Variants in ZNF446 observed in about 807,000 individuals in gnomAD.
ZNF446 encodes the protein zinc finger protein 446, also known as zinc finger protein with KRAB and SCAN domains 20.
A neutral mutation model predicts 34.0 loss-of-function variants in ZNF446; 42 were observed. The ratio of observed to expected loss-of-function variants is 1.23; its 90% CI spans 0.96 to 1.60. The LOEUF is 1.60. ZNF446 is among the 40% of genes most tolerant of loss of function. ZNF446 has a pLI of 0.00. For missense variants in ZNF446, 650 were observed against 600.2 expected, an observed-to-expected ratio of 1.08 and a Z score of -0.87; for synonymous variants, 315 against 251.0, an observed-to-expected ratio of 1.25 and a Z score of -2.41.
rs200530035 is a variant in ZNF446 at position 58,480,753 on chromosome 19, G to A, written c.*27G>A. 652 of 1,583,748 alleles carry A rather than the reference G, an allele frequency of 4.1e-4. 2 individuals carry two copies. Among genetic ancestry groups the A allele is most frequent in the Non-Finnish European group, 3.0e-4 (352 of 1,167,918 alleles). ...CAGCCAGACAGCACAGTCCCTCGGGGCCTCGGTGTTCTCGGGGCCTGGATA... is the reference window on the plus strand; with the variant it reads ...CAGCCAGACAGCACAGTCCCTCGGGACCTCGGTGTTCTCGGGGCCTGGATA... On this transcript the variant is annotated 3_prime_UTR_variant, in exon 7 of 7. Coordinates refer to ENST00000594369, the MANE Select transcript of ZNF446 (RefSeq NM_017908.4). The surrounding 1 kb of genome is among the most constrained non-coding windows in gnomAD (Gnocchi z 7.2).
the ZNF446 span, among the ~76,000 whole-genome samples, chr19:58,487,189 A>C: frequency 6.6e-6 from 1 of 152,182 alleles, no homozygotes; most frequent in African/African-American, 2.4e-5. Flanking sequence ...GGACCTGTGA[A>C]TTTGATGAGT....
chr19:58,479,376 C>T (rs2053116861), intron 4 of ZNF446: 1 of 459,928 alleles, frequency 2.2e-6, no homozygotes, highest in South Asian at 2.7e-5. Flanking sequence ...TCGATAAAGT[C>T]ACTCAGGTCC....
rs1196729131 is a variant in ZNF446 at position 58,477,684 on chromosome 19, G to A, written c.390G>A (p.Lys130=). 6.2e-7 allele frequency: 1 copy of A among 1,613,918 alleles called. No individual in the cohort carries two copies. The highest frequency in any genetic ancestry group is 1.7e-5 in the Admixed American group (1 of 60,034). The change falls in exon 3 of 7, where the codon AAG becomes AAA. Residue 130 remains lysine, a synonymous_variant. Transcript: ENST00000594369. The part of the protein sequence containing the change: ...LKQEVLPAAQ[K]TEEPLGSPHP... Reference sequence around the variant, plus strand: ...AGGAGGTGCTCCCTGCAGCCCAGAAGACAGAGGAACCACTTGGGAGCCCCC... The same window carrying A: ...AGGAGGTGCTCCCTGCAGCCCAGAAAACAGAGGAACCACTTGGGAGCCCCC...
rs748828122 is a variant in ZNF446, at chr19:58,480,058, T to C, written c.802+39T>C. 20 of 1,563,310 alleles carry C rather than the reference T, an allele frequency of 1.3e-5. No homozygotes were observed. The South Asian group carries it at 2.2e-4, about 17-fold the overall frequency. Reference sequence around the variant, plus strand: ...ACCATCCAGCCTGAATCACCCCTCCTGTATCGGTGGGACCTGAGCCACCCA... The same window carrying C: ...ACCATCCAGCCTGAATCACCCCTCCCGTATCGGTGGGACCTGAGCCACCCA... On this transcript the variant is annotated intron_variant, in intron 6 of 6. Coordinates refer to ENST00000594369, the MANE Select transcript of ZNF446 (RefSeq NM_017908.4). The surrounding 1 kb of genome is among the most constrained non-coding windows in gnomAD (Gnocchi z 7.2).
chr19:58,480,137 C>G lies in ZNF446; in HGVS notation c.803-39C>G, dbSNP rs760996236. ...GGCCACAAGCCTGAGGGAGGGGTTG[C>G]TGAGTGCCGGGACTCACCTGGTTTG... On this transcript the variant is annotated intron_variant, in intron 6 of 6. Coordinates refer to ENST00000594369, the MANE Select transcript of ZNF446 (RefSeq NM_017908.4). The surrounding 1 kb of genome is among the most constrained non-coding windows in gnomAD (Gnocchi z 7.2). 1 of 1,575,500 alleles carries G rather than the reference C, an allele frequency of 6.3e-7. No homozygotes were observed. The highest frequency in any genetic ancestry group is 8.6e-7 in the Non-Finnish European group (1 of 1,167,456).
downstream of ZNF446, among the ~76,000 whole-genome samples, chr19:58,484,730 T>G (rs548982487): frequency 1.6e-4 from 25 of 152,120 alleles, no homozygotes; most frequent in African/African-American, 5.8e-4. Context: ...TTTCCCCAAG[T>G]TAATCTATAA....
Position 58,481,116 on chromosome 19 carries a change from G to C in ZNF446, c.*390G>C. 4.6e-6 allele frequency: 1 copy of C among 216,672 alleles called. No individual in the cohort carries two copies. The allele number at this position is 216,672 out of a possible 1,614,324, so 13.4% of individuals were successfully genotyped here. A position where few individuals can be genotyped will look rare whatever the true frequency, so the allele number is the denominator to read the frequency against. ...TTCCCACTCGTCTGTGCAGAGGCTG[G>C]GCCTGAGGTCTCAGTGTGGAGAGCA... On this transcript the variant is annotated 3_prime_UTR_variant, in exon 7 of 7. Transcript: ENST00000594369.
downstream of ZNF446, among the ~76,000 whole-genome samples, chr19:58,482,408 C>G (rs1041057231): frequency 6.6e-6 from 1 of 152,072 alleles, no homozygotes; most frequent in Non-Finnish European, 1.5e-5. Flanking sequence ...AATGGGGACT[C>G]CTTGGGGGCC....
chr19:58,481,456 G>C (rs1050202891), downstream of ZNF446, among the ~76,000 whole-genome samples: 5 of 152,152 alleles, frequency 3.3e-5, no homozygotes, highest in African/African-American at 9.7e-5. Context: ...CGGCTTGAGA[G>C]ACACAAAGGG....
downstream of ZNF446, among the ~76,000 whole-genome samples, chr19:58,481,940 C>T (rs2053143263): frequency 1.3e-5 from 2 of 152,154 alleles, no homozygotes. Context: ...ACTACAGACA[C>T]CCGCCACCAC....
At position 58,477,126 on chromosome 19, in the gene ZNF446, C is replaced by T. The variant is rs1032662192; in HGVS notation, c.-40-53C>T. On this transcript the variant is annotated intron_variant, in intron 1 of 6. Transcript: ENST00000594369. Reference sequence around the variant, plus strand: ...CCCCTGGGCTGAGCCTGGTGTCTGCCTTCCCCTGGCCAGATTCTCTTGGCT... The same window carrying T: ...CCCCTGGGCTGAGCCTGGTGTCTGCTTTCCCCTGGCCAGATTCTCTTGGCT... 16 of 1,189,072 alleles carry T rather than the reference C, an allele frequency of 1.3e-5. No individual in the cohort carries two copies. In the Admixed American group the frequency reaches 2.3e-4, roughly 17 times the overall value. 73.7% of individuals were successfully genotyped at this position (1,189,072 alleles called of 1,614,324 possible). A position where few individuals can be genotyped will look rare whatever the true frequency, so the allele number is the denominator to read the frequency against.
In ZNF446 at chr19:58,476,494, G is replaced by C. The variant is rs567866653; in HGVS notation, c.-51G>C. 6.6e-6 allele frequency: 1 copy of C among 152,394 alleles called. No individual in the cohort carries two copies. The highest frequency in any genetic ancestry group is 2.4e-5 in the African/African-American group (1 of 41,594). The allele number at this position is 152,394 out of a possible 1,614,324, so 9.4% of individuals were successfully genotyped here. A position where few individuals can be genotyped will look rare whatever the true frequency, so the allele number is the denominator to read the frequency against. On this transcript the variant is annotated 5_prime_UTR_variant, in exon 1 of 7. Coordinates refer to ENST00000594369, the MANE Select transcript of ZNF446 (RefSeq NM_017908.4). Reference sequence around the variant, plus strand: ...GCCGGGTGTCAGGCCTGGTCTCTCAGGCCCGTCCAGGTGGGCGTCTTTCAC... The same window carrying C: ...GCCGGGTGTCAGGCCTGGTCTCTCACGCCCGTCCAGGTGGGCGTCTTTCAC...
Position 58,480,245 on chromosome 19 carries a change from G to C in ZNF446, c.872G>C (p.Trp291Ser). ...QPPQGPGPAA[W>S]EGLSGAATPA... ...CCCCAGGGCCCAGGGCCGGCAGCCT[G>C]GGAGGGCTTGTCTGGGGCTGCCACT... is the stretch of plus-strand genomic sequence containing the variant. The change falls in exon 7 of 7, where the codon TGG (tryptophan) becomes TCG (serine). Residue 291 changes from tryptophan (W) to serine (S), a missense_variant. Transcript: ENST00000594369. The surrounding 1 kb of genome is among the most constrained non-coding windows in gnomAD (Gnocchi z 7.2). The C allele has an allele frequency of 6.3e-7, 1 of 1,584,656 alleles. No homozygotes were observed. The highest frequency in any genetic ancestry group is 8.5e-7 in the Non-Finnish European group (1 of 1,170,228).
chr19:58,486,596 C>T, the ZNF446 span, among the ~76,000 whole-genome samples: 8 of 146,702 alleles, frequency 5.5e-5, no homozygotes, highest in African/African-American at 7.6e-5. Context: ...TTAGTAGAGG[C>T]GGGGTTTCAC....
Position 58,478,562 on chromosome 19 carries a change from G to A in ZNF446, c.627+381G>A, listed in dbSNP as rs1449152352. Among the ~76,000 whole-genome samples the A allele has an allele frequency of 5.3e-5, 8 of 152,204 alleles. No homozygotes were observed. The East Asian group carries it at 9.6e-4, about 18-fold the overall frequency. ...GCCTGTAATCCCAGCTACTAGGGAG[G>A]GTGAGGCAGGACAATTGCTTGAACC... On this transcript the variant is annotated intron_variant, in intron 4 of 6. Transcript: ENST00000594369.
chr19:58,480,063 C>A lies in ZNF446; in HGVS notation c.802+44C>A. 6.4e-7 allele frequency: 1 copy of A among 1,560,638 alleles called. No homozygotes were observed. The highest frequency in any genetic ancestry group is 2.3e-5 in the East Asian group (1 of 42,618). On this transcript the variant is annotated intron_variant, in intron 6 of 6. Coordinates refer to ENST00000594369, the MANE Select transcript of ZNF446 (RefSeq NM_017908.4). This position sits in a 1 kb window ranked among gnomAD's most constrained non-coding sequence, Gnocchi z 7.2. ...CCAGCCTGAATCACCCCTCCTGTAT[C>A]GGTGGGACCTGAGCCACCCACTCAT... is the stretch of plus-strand genomic sequence containing the variant.
chr19:58,479,562 C>T, intron 4 of ZNF446, 81 bp from the exon 5 acceptor site: 1 of 1,482,148 alleles, frequency 6.7e-7, no homozygotes, highest in South Asian at 1.3e-5. Context: ...GCTGACTCTT[C>T]CGGGTAATAG....
the ZNF446 span, among the ~76,000 whole-genome samples, chr19:58,488,683 C>G: frequency 6.6e-6 from 1 of 151,624 alleles, no homozygotes; most frequent in Non-Finnish European, 1.5e-5. Flanking sequence ...AACCCCGTCT[C>G]TACTAAAAAT....
downstream of ZNF446, among the ~76,000 whole-genome samples, chr19:58,483,096 T>C (rs2053150991): frequency 6.6e-6 from 1 of 152,166 alleles, no homozygotes; most frequent in Non-Finnish European, 1.5e-5. Flanking sequence ...AATGTAAAGT[T>C]TCTTTTAAGG....
Sources: gnomAD v4.1 joint callset for allele counts (sites outside exome capture counted in the v4.1 genomes callset) on GRCh38, gnomAD v4.1.1 for gene constraint, Gnocchi (gnomAD v3.1) non-coding constraint, MANE v1.5 for transcripts, NCBI Gene and HGNC (gene_info 2026-07-23, HGNC 2026-07-21) for gene names.